The following RABGAP1L variants were observed in gnomAD, a reference collection of about 807,000 sequenced individuals.
RABGAP1L encodes the protein rab GTPase-activating protein 1-like.
Under a neutral mutation model 137.7 loss-of-function variants are expected in RABGAP1L, and 63 were observed. The observed-to-expected ratio is 0.46, with a 90% CI of 0.37 to 0.56. The LOEUF is 0.56. Among genes scored for constraint, RABGAP1L ranks in the 20% least tolerant of loss-of-function variants. The probability of loss-of-function intolerance (pLI) is 0.00; values close to 1 mark genes in which losing one functional copy is unlikely to be tolerated. For synonymous variants in RABGAP1L, 431 were observed against 433.7 expected, an observed-to-expected ratio of 0.99 and a Z score of 0.08; for missense variants, 1,095 against 1,244.0, an observed-to-expected ratio of 0.88 and a Z score of 1.80.
intron 19 of RABGAP1L, among the ~76,000 whole-genome samples, chr1:174,918,823 A>C (rs1221652750): frequency 1.7e-5 from 2 of 120,604 alleles, no homozygotes; most frequent in African/African-American, 5.3e-5. Context: ...AGTGAGACCC[A>C]CCCCCCCGAT....
chr1:174,577,375 C>A (rs1346936949), intron 13 of RABGAP1L, among the ~76,000 whole-genome samples: 1 of 151,282 alleles, frequency 6.6e-6, no homozygotes, highest in East Asian at 1.9e-4. Flanking sequence ...GGAAGAATTT[C>A]CATACATTTT....
intron 21 of RABGAP1L, among the ~76,000 whole-genome samples, chr1:174,970,655 T>C (rs183558141): frequency 6.6e-6 from 1 of 152,268 alleles, no homozygotes; most frequent in Non-Finnish European, 1.5e-5. Flanking sequence ...GCAGTTATTA[T>C]TTTAATCCTC....
At chr1:174,578,685 T>A (rs1029325658) in intron 13 of RABGAP1L, among the ~76,000 whole-genome samples, 1 of 152,186 alleles carries the variant, frequency 6.6e-6, no homozygotes, top group African/African-American at 2.4e-5. Context: ...CTAGAAAAGA[T>A]AGTTTATGTA....
chr1:174,423,941 G>A (rs1190656242), intron 13 of RABGAP1L, among the ~76,000 whole-genome samples: 1 of 152,064 alleles, frequency 6.6e-6, no homozygotes, highest in Non-Finnish European at 1.5e-5. Flanking sequence ...TTTGGGATAT[G>A]TAGGCCAGAG....
At chr1:174,384,284 G>A (rs1686536125) in intron 12 of RABGAP1L, among the ~76,000 whole-genome samples, 1 of 152,186 alleles carries the variant, frequency 6.6e-6, no homozygotes, top group South Asian at 2.1e-4. Flanking sequence ...GACTACAAGA[G>A]GGTCCAGGGA....
chr1:174,389,929 A>C (rs1687087273), intron 12 of RABGAP1L, among the ~76,000 whole-genome samples: 1 of 152,194 alleles, frequency 6.6e-6, no homozygotes, highest in Non-Finnish European at 1.5e-5. Flanking sequence ...TTCAGCATGT[A>C]TCATAACTAG....
chr1:174,848,461 C>T (rs1229426476), intron 19 of RABGAP1L, among the ~76,000 whole-genome samples: 1 of 147,824 alleles, frequency 6.8e-6, no homozygotes, highest in African/African-American at 2.6e-5. Context: ...GGACCCTCAG[C>T]TGCAGGTCTG....
chr1:174,665,213 G>A (rs1676692666), intron 14 of RABGAP1L, among the ~76,000 whole-genome samples: 1 of 152,130 alleles, frequency 6.6e-6, no homozygotes, highest in Non-Finnish European at 1.5e-5. Flanking sequence ...CTGGGCTCTG[G>A]AGCTGGACTG....
chr1:174,507,231 A>G lies in RABGAP1L; in HGVS notation c.1710+113086A>G, dbSNP rs557789282. 7.2e-5 allele frequency among the ~76,000 whole-genome samples: 11 copies of G among 152,334 alleles called. No homozygotes were observed. The South Asian group carries it at 8.3e-4, about 11-fold the overall frequency. Reference sequence around the variant, plus strand: ...CTGCTTTTCATTTAAGCCTAATAGTATAGTACTGTTTTAAAACCATATACA... The same window carrying G: ...CTGCTTTTCATTTAAGCCTAATAGTGTAGTACTGTTTTAAAACCATATACA... On this transcript the variant is annotated intron_variant, in intron 13 of 25. Coordinates refer to ENST00000681986, the MANE Select transcript of RABGAP1L (RefSeq NM_001366446.1).
chr1:174,827,232 A>C (rs1019866928), intron 19 of RABGAP1L, among the ~76,000 whole-genome samples: 2 of 152,022 alleles, frequency 1.3e-5, no homozygotes, highest in African/African-American at 2.4e-5. Flanking sequence ...GCAATCTTGA[A>C]CTACTGGGCT....
At chr1:174,216,373 G>A (rs1156705578) in intron 1 of RABGAP1L, among the ~76,000 whole-genome samples, 1 of 152,062 alleles carries the variant, frequency 6.6e-6, no homozygotes, top group Non-Finnish European at 1.5e-5. Context: ...TGATTATTAT[G>A]CATTTCATGC....
intron 13 of RABGAP1L, among the ~76,000 whole-genome samples, chr1:174,586,802 G>A (rs544181528): frequency 3.6e-4 from 55 of 152,200 alleles, no homozygotes; most frequent in African/African-American, 1.3e-3. Context: ...CACCGTGTTG[G>A]TCAGTCTGAT....
chr1:174,229,826 C>T (rs1396812698), intron 3 of RABGAP1L, among the ~76,000 whole-genome samples: 4 of 152,070 alleles, frequency 2.6e-5, no homozygotes, highest in Non-Finnish European at 4.4e-5. Flanking sequence ...GTTCTAGATC[C>T]CTGAGGAATC....
In RABGAP1L at chr1:174,246,690, C is replaced by T. The variant is rs117715530; in HGVS notation, c.718-3785C>T. Among the ~76,000 whole-genome samples, 35 of 152,248 alleles carry T rather than the reference C, an allele frequency of 2.3e-4. No homozygotes were observed. In the East Asian group the frequency reaches 6.8e-3, roughly 29 times the overall value. On this transcript the variant is annotated intron_variant, in intron 5 of 25. Transcript: ENST00000681986. ...TGTGTGTAGGCTATATGGAATATTA[C>T]ACAGTTTTATATAAGGGACTTAAAC...
chr1:174,946,980 GTATA>G (rs1553291102), intron 19 of RABGAP1L, among the ~76,000 whole-genome samples: 1 of 78,248 alleles, frequency 1.3e-5, no homozygotes, highest in Non-Finnish European at 2.3e-5. Flanking sequence ...GTGTGTGTGT[GTATA>G]TATATGTATA....
chr1:174,480,234 A>G (rs1023036759), intron 13 of RABGAP1L, among the ~76,000 whole-genome samples: 3 of 152,218 alleles, frequency 2.0e-5, no homozygotes, highest in Non-Finnish European at 4.4e-5. Flanking sequence ...TATAGAGGTT[A>G]TAGTTATTAG....
intron 1 of RABGAP1L, among the ~76,000 whole-genome samples, chr1:174,174,637 G>A (rs1261206096): frequency 1.3e-5 from 2 of 152,178 alleles, no homozygotes; most frequent in Non-Finnish European, 2.9e-5. Context: ...CTCTCAATTC[G>A]AGGCTGAAGG....
intron 17 of RABGAP1L, among the ~76,000 whole-genome samples, chr1:174,747,712 A>G (rs1220038070): frequency 6.6e-6 from 1 of 151,848 alleles, no homozygotes; most frequent in African/African-American, 2.4e-5. Context: ...TAAAACACAC[A>G]CTCACCTCCC....
At chr1:174,479,138 G>A (rs1303751347) in intron 13 of RABGAP1L, among the ~76,000 whole-genome samples, 1 of 152,212 alleles carries the variant, frequency 6.6e-6, no homozygotes, top group African/African-American at 2.4e-5. Context: ...TTGCTAAAAT[G>A]TAAGTTCTGA....
Sources: gnomAD v4.1 joint callset for allele counts (sites outside exome capture counted in the v4.1 genomes callset) on GRCh38, gnomAD v4.1.1 for gene constraint, MANE v1.5 for transcripts, NCBI Gene and HGNC (gene_info 2026-07-23, HGNC 2026-07-21) for gene names.